Variants in FAF1 observed in about 807,000 individuals in gnomAD.
FAF1 encodes FAS-associated factor 1.
FAF1 carries 25 observed loss-of-function variants against 92.5 expected under a neutral mutation model. The ratio of observed to expected loss-of-function variants is 0.27; its 90% confidence interval spans 0.20 to 0.38. FAF1 has a LOEUF of 0.38. FAF1 is among the 10% of genes least tolerant of loss of function. The probability of loss-of-function intolerance (pLI) is 1.00; values close to 1 mark genes in which losing one functional copy is unlikely to be tolerated. For synonymous variants in FAF1, 234 were observed against 273.2 expected, an observed-to-expected ratio of 0.86 and a Z score of 1.42; for missense variants, 636 against 793.3, an observed-to-expected ratio of 0.80 and a Z score of 2.38.
intron 4 of FAF1, among the ~76,000 whole-genome samples, chr1:50,765,919 C>T (rs772301620): frequency 6.6e-6 from 1 of 152,052 alleles, no homozygotes; most frequent in Non-Finnish European, 1.5e-5. Context: ...GGTGAAACCC[C>T]GTCTCTACTA....
intron 12 of FAF1, among the ~76,000 whole-genome samples, chr1:50,570,363 C>G (rs931747023): frequency 3.3e-5 from 5 of 152,126 alleles, no homozygotes; most frequent in African/African-American, 1.2e-4. Flanking sequence ...TCTCTAAACC[C>G]TTAATCTTTC....
intron 1 of FAF1, among the ~76,000 whole-genome samples, chr1:50,945,459 G>C (rs956381614): frequency 6.6e-6 from 1 of 152,184 alleles, no homozygotes; most frequent in Admixed American, 6.5e-5. Flanking sequence ...CTTTTAGCAG[G>C]AGGCACAAGT....
chr1:50,596,142 C>G lies in FAF1; in HGVS notation c.819G>C (p.Gln273His), dbSNP rs369843554. Reference sequence around the variant, plus strand: ...TTACTTCTTCCGACTGTTCCCGGGTCTGTGCAGGTGAAGATCTTCTTCCCA... The same window carrying G: ...TTACTTCTTCCGACTGTTCCCGGGTGTGTGCAGGTGAAGATCTTCTTCCCA... ...LTVGRRSSPA[Q>H]TREQSEEQIT... The change falls in exon 9 of 19, where the codon CAG becomes CAC. Residue 273 changes from glutamine (Q) to histidine (H), a missense_variant. Coordinates refer to ENST00000396153, the MANE Select transcript of FAF1 (RefSeq NM_007051.3). 8.2e-5 allele frequency: 132 copies of G among 1,613,734 alleles called. 2 individuals carry two copies. Among genetic ancestry groups the G allele is most frequent in the Non-Finnish European group, 1.0e-4 (119 of 1,179,848 alleles).
At chr1:50,675,279 T>C (rs570009188) in intron 7 of FAF1, among the ~76,000 whole-genome samples, 53 of 152,344 alleles carry the variant, frequency 3.5e-4, no homozygotes, top group African/African-American at 1.1e-3. Context: ...CAAACATTTA[T>C]TGAGTGCTTC....
At chr1:50,636,350 T>C (rs1000051790) in intron 8 of FAF1, among the ~76,000 whole-genome samples, 5 of 151,594 alleles carry the variant, frequency 3.3e-5, no homozygotes, top group Admixed American at 1.3e-4. Context: ...ACCATGAAAT[T>C]TGTATTTTCT....
intron 4 of FAF1, among the ~76,000 whole-genome samples, chr1:50,762,080 C>A (rs967370105): frequency 1.3e-5 from 2 of 152,042 alleles, no homozygotes; most frequent in African/African-American, 4.8e-5. Flanking sequence ...GAGTGAACTC[C>A]CATTCACAAT....
intron 12 of FAF1, among the ~76,000 whole-genome samples, chr1:50,572,054 TC>T (rs1650470504): frequency 6.6e-6 from 1 of 152,208 alleles, no homozygotes; most frequent in Non-Finnish European, 1.5e-5. Flanking sequence ...TGACTTGCTT[TC>T]TCTCCTTCCC....
intron 1 of FAF1, among the ~76,000 whole-genome samples, chr1:50,881,266 A>C (rs1268093631): frequency 2.0e-5 from 3 of 152,176 alleles, no homozygotes; most frequent in African/African-American, 7.2e-5. Flanking sequence ...AAAATTCACT[A>C]GGTGGTTGTG....
chr1:50,868,502 T>C (rs1263719822), intron 1 of FAF1, among the ~76,000 whole-genome samples: 1 of 152,168 alleles, frequency 6.6e-6, no homozygotes, highest in African/African-American at 2.4e-5. Flanking sequence ...TATAGAGCAA[T>C]GATTTTAATC....
chr1:50,726,694 T>C (rs1658673105), intron 6 of FAF1, among the ~76,000 whole-genome samples: 1 of 152,122 alleles, frequency 6.6e-6, no homozygotes, highest in South Asian at 2.1e-4. Flanking sequence ...CTGGGCGTGG[T>C]GGCGGGCACC....
At chr1:50,801,814 A>G (rs1557534537) in intron 2 of FAF1, 137 bp from the exon 3 acceptor site, 1 of 566,294 alleles carries the variant, frequency 1.8e-6, no homozygotes, top group African/African-American at 1.9e-5. Context: ...GTGATGCAAA[A>G]TGTTGTCTAT....
intron 18 of FAF1, among the ~76,000 whole-genome samples, chr1:50,463,873 AGT>A (rs1330804993): frequency 6.6e-6 from 1 of 152,238 alleles, no homozygotes; most frequent in African/African-American, 2.4e-5. Context: ...TACCAACAAA[AGT>A]CACTCAAAAC....
chr1:50,609,061 T>C (rs1652571912), intron 8 of FAF1, among the ~76,000 whole-genome samples: 1 of 152,182 alleles, frequency 6.6e-6, no homozygotes, highest in Non-Finnish European at 1.5e-5. Flanking sequence ...AAAATACCAT[T>C]ATCCACTCAC....
At chr1:50,563,411 C>T (rs916528901) in intron 13 of FAF1, among the ~76,000 whole-genome samples, 9 of 151,360 alleles carry the variant, frequency 5.9e-5, no homozygotes, top group Non-Finnish European at 1.0e-4. Flanking sequence ...GGCAACATAA[C>T]GAGACCTTGT....
rs1644310932 is a variant in FAF1, at chr1:50,847,416, A to ATTAAACT, written c.114+10512_114+10513insAGTTTAA. ...GCAAAAAAAGATAAACTATGCCTGA[A>ATTAAACT]ATTAAAAAAAAAAAAAAAACAGTAA... On this transcript the variant is annotated intron_variant, in intron 2 of 18. Transcript: ENST00000396153. 4.7e-5 allele frequency among the ~76,000 whole-genome samples: 7 copies of ATTAAACT among 150,250 alleles called. No homozygotes were observed. The South Asian group carries it at 1.5e-3, about 31-fold the overall frequency.
At chr1:50,871,937 C>T (rs919204283) in intron 1 of FAF1, among the ~76,000 whole-genome samples, 6 of 151,142 alleles carry the variant, frequency 4.0e-5, no homozygotes, top group South Asian at 4.2e-4. Flanking sequence ...TAGTGGCGGG[C>T]GCCTGTAGTC....
chr1:50,684,616 G>A (rs12088577), intron 7 of FAF1, among the ~76,000 whole-genome samples: 5,213 of 152,110 alleles, frequency 0.034, 296 homozygotes, highest in African/African-American at 0.12. Context: ...TGAGATAAAC[G>A]ATCCCACTGA....
intron 9 of FAF1, 74 bp downstream of exon 9, chr1:50,596,046 TA>T (rs113664530): frequency 1.7e-3 from 1,518 of 889,884 alleles, no homozygotes; most frequent in Non-Finnish European, 2.0e-3. Flanking sequence ...CTCTGGCAGA[TA>T]AAAAAAAAGG....
At chr1:50,812,344 C>T (rs576453770) in intron 2 of FAF1, among the ~76,000 whole-genome samples, 42 of 152,178 alleles carry the variant, frequency 2.8e-4, no homozygotes, top group African/African-American at 9.9e-4. Context: ...GTCTAATATC[C>T]AGAATCTATA....
Sources: allele counts gnomAD v4.1 joint callset (sites outside exome capture counted in the v4.1 genomes callset), GRCh38; gene constraint gnomAD v4.1.1; transcripts MANE v1.5; gene names NCBI Gene and HGNC (gene_info 2026-07-23, HGNC 2026-07-21).